Variants in GRIK4 observed in about 807,000 individuals in gnomAD.
GRIK4 encodes glutamate receptor ionotropic, kainate 4.
Under a neutral mutation model 104.9 loss-of-function variants are expected in GRIK4, and 40 were observed. That is an observed-to-expected ratio of 0.38 (90% confidence interval 0.30 to 0.50). The LOEUF is 0.50. GRIK4 is among the 20% of genes least tolerant of loss of function. The pLI, the probability that GRIK4 is intolerant of heterozygous loss-of-function variation, is 0.93. For missense variants in GRIK4, 1,047 were observed against 1,308.1 expected (o/e 0.80, Z 3.08); for synonymous variants, 485 against 524.9 (o/e 0.92, Z 1.04).
chr11:120,746,662 T>G (rs969591487), intron 3 of GRIK4, among the ~76,000 whole-genome samples: 1 of 152,204 alleles, frequency 6.6e-6, no homozygotes, highest in African/African-American at 2.4e-5. Flanking sequence ...GCTCCATTTC[T>G]ATTCAGCCAC....
chr11:120,532,942 G>C (rs557911176), intron 1 of GRIK4, among the ~76,000 whole-genome samples: 1 of 152,332 alleles, frequency 6.6e-6, no homozygotes, highest in East Asian at 1.9e-4. Context: ...ACCAGGCCCT[G>C]TGTTCAGCAC....
chr11:120,540,434 A>G (rs1948021482), intron 1 of GRIK4, among the ~76,000 whole-genome samples: 1 of 152,008 alleles, frequency 6.6e-6, no homozygotes, highest in Non-Finnish European at 1.5e-5. Flanking sequence ...CAGCCTGGCC[A>G]ACATGGCAAA....
intron 1 of GRIK4, among the ~76,000 whole-genome samples, chr11:120,528,297 G>C (rs1947882357): frequency 6.6e-6 from 1 of 152,158 alleles, no homozygotes; most frequent in Admixed American, 6.5e-5. Flanking sequence ...ATTCTTAATA[G>C]AGATGGGGTT....
At chr11:120,979,827 C>T (rs770459491) in intron 19 of GRIK4, among the ~76,000 whole-genome samples, 4 of 152,068 alleles carry the variant, frequency 2.6e-5, no homozygotes, top group Non-Finnish European at 5.9e-5. Context: ...GGGCCTTGTC[C>T]TGTTTTCTTT....
Position 120,939,753 on chromosome 11 carries a change from G to A in GRIK4, c.1477-594G>A, listed in dbSNP as rs1278844082. The stretch of plus-strand genomic sequence containing the variant: ...TCCCATCACTTTGGGAGGCCAGGGC[G>A]GGCAGATCACGGGGTCAGGAGTTTG... On this transcript the variant is annotated intron_variant, in intron 13 of 20. Coordinates refer to ENST00000527524, the MANE Select transcript of GRIK4 (RefSeq NM_014619.5). The surrounding 1 kb of genome is among the most constrained non-coding windows in gnomAD (Gnocchi z 5.6). Among the ~76,000 whole-genome samples, 1 of 152,138 alleles carries A rather than the reference G, an allele frequency of 6.6e-6. No individual in the cohort carries two copies. The highest frequency in any genetic ancestry group is 1.5e-5 in the Non-Finnish European group (1 of 68,030).
At chr11:120,980,420 T>A (rs1378113399) in intron 19 of GRIK4, among the ~76,000 whole-genome samples, 3 of 152,178 alleles carry the variant, frequency 2.0e-5, no homozygotes, top group Non-Finnish European at 1.5e-5. Flanking sequence ...CCCAGCCAGC[T>A]CCTTGGTACA....
At position 120,957,591 on chromosome 11, in the gene GRIK4, A is replaced by ATG. The variant is rs72064502; in HGVS notation, c.1874+672_1874+673dup. Among the ~76,000 whole-genome samples, 148 of 136,530 alleles carry ATG rather than the reference A, an allele frequency of 1.1e-3. 3 individuals are homozygous for ATG. The highest frequency in any genetic ancestry group is 2.8e-3 in the African/African-American group (97 of 34,278). 89.6% of individuals were successfully genotyped at this position (136,530 alleles called of 152,430 possible). A position where few individuals can be genotyped will look rare whatever the true frequency, so the allele number is the denominator to read the frequency against. On this transcript the variant is annotated intron_variant, in intron 16 of 20. Transcript: ENST00000527524. The stretch of plus-strand genomic sequence containing the variant: ...TGGGGGCAAAGGAAAGACAAAACAA[A>ATG]TGTGTGTGTGTGTGTGTGTGTGTGT...
In GRIK4 at chr11:120,511,877, G is replaced by C. The variant is rs1362075749; in HGVS notation, c.-169G>C. On this transcript the variant is annotated 5_prime_UTR_variant, in exon 1 of 21. Transcript: ENST00000527524. ...CCCCCGGCTCAGCCCCCGGAGTGCG[G>C]AGCCGACCAGGTAAGGGCAGCGGCC... 2 of 304,616 alleles carry C rather than the reference G, an allele frequency of 6.6e-6. No homozygotes were observed. Among genetic ancestry groups the C allele is most frequent in the Non-Finnish European group, 1.3e-5 (2 of 148,848 alleles). The allele number at this position is 304,616 out of a possible 1,614,324, so 18.9% of individuals were successfully genotyped here.
intron 1 of GRIK4, among the ~76,000 whole-genome samples, chr11:120,572,294 T>C (rs1023488874): frequency 8.5e-5 from 13 of 152,102 alleles, no homozygotes; most frequent in African/African-American, 3.1e-4. Flanking sequence ...CACCGGAATT[T>C]TGAGGGATGA....
intron 1 of GRIK4, among the ~76,000 whole-genome samples, chr11:120,622,540 T>C (rs927626750): frequency 7.2e-5 from 11 of 152,254 alleles, no homozygotes; most frequent in Non-Finnish European, 5.9e-5. Context: ...GGAAATACTT[T>C]GTACTGCATG....
intron 5 of GRIK4, among the ~76,000 whole-genome samples, chr11:120,818,826 T>C (rs1182423724): frequency 6.6e-6 from 1 of 152,222 alleles, no homozygotes; most frequent in African/African-American, 2.4e-5. Context: ...CTACTATCGA[T>C]CTTCCTTGCT....
chr11:120,792,249 T>TGTGC (rs1201582220), intron 3 of GRIK4, among the ~76,000 whole-genome samples: 1 of 151,498 alleles, frequency 6.6e-6, no homozygotes, highest in Admixed American at 6.6e-5. Flanking sequence ...TGTGTGTGTG[T>TGTGC]GTGCGTGTGT....
intron 3 of GRIK4, among the ~76,000 whole-genome samples, chr11:120,773,022 A>T (rs1243967549): frequency 1.3e-5 from 2 of 152,228 alleles, no homozygotes; most frequent in African/African-American, 4.8e-5. Context: ...TCCAACAATA[A>T]TAGCAGTATT....
chr11:120,799,339 T>C (rs1252480308), intron 3 of GRIK4, among the ~76,000 whole-genome samples: 2 of 151,584 alleles, frequency 1.3e-5, no homozygotes, highest in Non-Finnish European at 2.9e-5. Flanking sequence ...GGAGGGGGAG[T>C]TACCTGAGAG....
chr11:120,726,823 AGCATGGTTTGTGGATCTT>A (rs1951034491), intron 3 of GRIK4, among the ~76,000 whole-genome samples: 2 of 152,304 alleles, frequency 1.3e-5, no homozygotes, highest in South Asian at 4.1e-4. Context: ...CAGTGGTGGC[AGCATGGTTTGTGGATCTT>A]CCCAAATCCC....
chr11:120,680,866 A>C (rs1261928911), intron 3 of GRIK4, among the ~76,000 whole-genome samples: 16 of 152,034 alleles, frequency 1.1e-4, no homozygotes, highest in Admixed American at 1.0e-3. Context: ...CTCTCCAAGG[A>C]CCCTCTTCTC....
At chr11:120,625,487 G>A (rs1219052264) in intron 1 of GRIK4, among the ~76,000 whole-genome samples, 1 of 152,198 alleles carries the variant, frequency 6.6e-6, no homozygotes, top group Non-Finnish European at 1.5e-5. Context: ...GCCCTCCTGA[G>A]CTTCATTTTG....
At chr11:120,542,316 A>G (rs1339994062) in intron 1 of GRIK4, among the ~76,000 whole-genome samples, 1 of 152,250 alleles carries the variant, frequency 6.6e-6, no homozygotes, top group Non-Finnish European at 1.5e-5. Flanking sequence ...AAATGGATTA[A>G]TGACTTAAAC....
intron 11 of GRIK4, among the ~76,000 whole-genome samples, chr11:120,878,606 A>T (rs1954880461): frequency 1.0e-5 from 1 of 98,824 alleles, no homozygotes; most frequent in Non-Finnish European, 1.9e-5. Flanking sequence ...CATTCTCTTT[A>T]TGCCCCGCCC....
Sources: allele counts gnomAD v4.1 joint callset (sites outside exome capture counted in the v4.1 genomes callset), GRCh38; gene constraint gnomAD v4.1.1; non-coding constraint Gnocchi (gnomAD v3.1); transcripts MANE v1.5; gene names NCBI Gene and HGNC (gene_info 2026-07-23, HGNC 2026-07-21).